The following XPO5 variants were observed in gnomAD, a reference collection of about 807,000 sequenced individuals.
XPO5 encodes the protein exportin-5.
In XPO5, 46 loss-of-function variants were observed where a neutral mutation model predicts 160.6. The ratio of observed to expected loss-of-function variants is 0.29; its 90% CI spans 0.23 to 0.37. The LOEUF (loss-of-function observed/expected upper bound fraction) is 0.37, where lower values mean the gene tolerates loss of function less well. XPO5 is among the 10% of genes least tolerant of loss of function. XPO5 has a pLI of 1.00. For synonymous variants in XPO5, 537 were observed against 519.3 expected (o/e 1.03, Z -0.46); for missense variants, 1,090 against 1,463.9 (o/e 0.74, Z 4.17).
intron 20 of XPO5, among the ~76,000 whole-genome samples, chr6:43,537,346 A>C (rs1794403679): frequency 6.6e-6 from 1 of 152,196 alleles, no homozygotes; most frequent in East Asian, 1.9e-4. Flanking sequence ...TAAAGGCTAA[A>C]CCTTTACTAT....
intron 26 of XPO5, 188 bp from the exon 27 acceptor site, chr6:43,526,935 G>T (rs973039214): frequency 5.0e-6 from 3 of 594,420 alleles, no homozygotes; most frequent in South Asian, 2.0e-5. Flanking sequence ...AACTGTTTTG[G>T]TCCTTCAAGT....
intron 6 of XPO5, 59 bp from the exon 7 acceptor site, chr6:43,567,413 T>C (rs1762751817): frequency 4.1e-6 from 6 of 1,449,800 alleles, no homozygotes; most frequent in Admixed American, 2.6e-5. Context: ...AAGGAATCAG[T>C]GGTTATAACT....
rs185229845 is a variant in XPO5, at chr6:43,525,281, C to T, written c.3067-67G>A. On this transcript the variant is annotated intron_variant, in intron 28 of 31. Coordinates refer to ENST00000265351, the MANE Select transcript of XPO5 (RefSeq NM_020750.3). ...ACAGTTTTCTCTGATGATTATTACA[C>T]ATCAGGAGCCGGAGGGTTTTTTTTT... The T allele has an allele frequency of 9.1e-6, 13 of 1,425,822 alleles. No individual in the cohort carries two copies. The Admixed American group carries it at 3.0e-4, about 33-fold the overall frequency. 88.3% of individuals were successfully genotyped at this position (1,425,822 alleles called of 1,614,324 possible).
intron 5 of XPO5, 120 bp from the exon 6 acceptor site, chr6:43,568,857 T>A: frequency 1.1e-6 from 1 of 878,674 alleles, no homozygotes; most frequent in Non-Finnish European, 1.7e-6. Flanking sequence ...ATTTTTCATC[T>A]TGGAAAATAA....
At chr6:43,568,341 C>G (rs1209374671) in intron 6 of XPO5, among the ~76,000 whole-genome samples, 1 of 151,904 alleles carries the variant, frequency 6.6e-6, no homozygotes, top group Admixed American at 6.6e-5. Flanking sequence ...AAAAAACAAA[C>G]GACAGATGCA....
intron 3 of XPO5, 135 bp from the exon 4 acceptor site, chr6:43,571,129 C>CTGT: frequency 3.3e-6 from 3 of 903,582 alleles, no homozygotes; most frequent in Non-Finnish European, 5.0e-6. Flanking sequence ...TGAACCTGTT[C>CTGT]TTCAGCCTGA....
chr6:43,556,496 C>A (rs1349997292), intron 12 of XPO5, among the ~76,000 whole-genome samples: 5 of 149,678 alleles, frequency 3.3e-5, no homozygotes, highest in Admixed American at 3.3e-4. Flanking sequence ...ACCACTCTTG[C>A]CTGGACAACA....
intron 31 of XPO5, 92 bp downstream of exon 31, chr6:43,524,379 A>T: frequency 6.9e-7 from 1 of 1,441,886 alleles, no homozygotes; most frequent in Non-Finnish European, 9.3e-7. Context: ...AAATCTCACC[A>T]TAATGGTCAA....
intron 18 of XPO5, 38 bp downstream of exon 18, chr6:43,548,223 T>G: frequency 3.9e-4 from 596 of 1,524,092 alleles, no homozygotes; most frequent in Non-Finnish European, 4.8e-4. Context: ...AATGGGTGCT[T>G]GAGTATAGTA....
chr6:43,555,873 A>G lies in XPO5; in HGVS notation c.1404T>C (p.Tyr468=). The change falls in exon 13 of 32, where the codon TAT becomes TAC. Residue 468 remains tyrosine, a synonymous_variant. Transcript: ENST00000265351. The part of the protein sequence containing the change: ...SFQMAGEWLK[Y]QLSTFLDAGS... ...CAGCATCAAGAAAAGTTGATAGTTGATACTTTAGCCACTCCCCAGCCATCT... is the reference window on the plus strand; with the variant it reads ...CAGCATCAAGAAAAGTTGATAGTTGGTACTTTAGCCACTCCCCAGCCATCT... The G allele has an allele frequency of 6.2e-7, 1 of 1,614,000 alleles. No individual in the cohort carries two copies. Among genetic ancestry groups the G allele is most frequent in the Non-Finnish European group, 8.5e-7 (1 of 1,179,884 alleles).
At chr6:43,556,483 A>G (rs1386650231) in intron 12 of XPO5, among the ~76,000 whole-genome samples, 1 of 151,324 alleles carries the variant, frequency 6.6e-6, no homozygotes, top group Admixed American at 6.6e-5. Context: ...CCATGATCGC[A>G]GCACCACTCT....
At chr6:43,550,071 C>T (rs1423726024) in intron 15 of XPO5, 137 bp from the exon 16 acceptor site, 15 of 837,414 alleles carry the variant, frequency 1.8e-5, no homozygotes, top group South Asian at 4.7e-5. Flanking sequence ...GCTGGGACTA[C>T]GGGCATGAGC....
At chr6:43,553,232 T>TTG in intron 14 of XPO5, 141 bp downstream of exon 14, 1 of 1,067,354 alleles carries the variant, frequency 9.4e-7, no homozygotes, top group South Asian at 1.8e-5. Context: ...AGCCCAGGAG[T>TTG]TGGAGGTTAC....
chr6:43,552,453 A>T (rs1476950452), intron 14 of XPO5, among the ~76,000 whole-genome samples: 1 of 152,090 alleles, frequency 6.6e-6, no homozygotes, highest in Non-Finnish European at 1.5e-5. Flanking sequence ...CCTGGGTTCA[A>T]GCGATTCCTG....
At chr6:43,560,456 C>T (rs1239107658) in intron 10 of XPO5, among the ~76,000 whole-genome samples, 153 bp from the exon 11 acceptor site, 1 of 152,174 alleles carries the variant, frequency 6.6e-6, no homozygotes, top group Admixed American at 6.5e-5. Context: ...AATGACCACC[C>T]ACTATGGACC....
In XPO5 at chr6:43,533,911, TA is replaced by T; in HGVS notation, c.2438del (p.Ile813AsnfsTer2). 1 of 1,599,036 alleles carries T rather than the reference TA, an allele frequency of 6.3e-7. No homozygotes were observed. Among genetic ancestry groups the T allele is most frequent in the Non-Finnish European group, 8.5e-7 (1 of 1,170,420 alleles). On this transcript the variant is annotated frameshift_variant, in exon 21 of 32. Coordinates refer to ENST00000265351, the MANE Select transcript of XPO5 (RefSeq NM_020750.3). LOFTEE classifies it high-confidence loss of function. ...LDMLDAEKSAILGLPQPLLEL... is the reference protein window; with the variant it reads ...LDMLDAEKSAXLGLPQPLLEL... ...AAAAAAGGTTACATTTCTTACCTAA[TA>T]TAGCAGATTTTTCCGCGTCAAGCAT...
At chr6:43,574,439 CAT>C (rs1324498127) in intron 1 of XPO5, among the ~76,000 whole-genome samples, 1 of 150,380 alleles carries the variant, frequency 6.6e-6, no homozygotes. Context: ...AAAAGTTACA[CAT>C]ATATAACATT....
chr6:43,553,050 A>G (rs750681594), intron 14 of XPO5, among the ~76,000 whole-genome samples: 8 of 147,890 alleles, frequency 5.4e-5, no homozygotes, highest in Non-Finnish European at 1.2e-4. Context: ...ATAGTGGGTC[A>G]TGCCCGCAAT....
At chr6:43,573,819 ATATATTT>A (rs1561889319) in intron 1 of XPO5, among the ~76,000 whole-genome samples, 5 of 117,528 alleles carry the variant, frequency 4.3e-5, no homozygotes, top group African/African-American at 2.0e-4. Context: ...ATATATATAT[ATATATTT>A]TTTTTTTTTT....
Sources: allele counts gnomAD v4.1 joint callset (sites outside exome capture counted in the v4.1 genomes callset), GRCh38; gene constraint gnomAD v4.1.1; transcripts MANE v1.5; gene names NCBI Gene and HGNC (gene_info 2026-07-23, HGNC 2026-07-21).